The following FCN1 variants were observed in gnomAD, a reference collection of about 807,000 sequenced individuals.
The protein encoded by FCN1 is ficolin-1.
A neutral mutation model predicts 35.6 loss-of-function variants in FCN1; 42 were observed. The ratio of observed to expected loss-of-function variants is 1.18; its 90% CI spans 0.92 to 1.53. The LOEUF (loss-of-function observed/expected upper bound fraction) is 1.53. FCN1 is among the 40% of genes most tolerant of loss of function. The pLI, the probability that FCN1 is intolerant of heterozygous loss-of-function variation, is 0.00. For synonymous variants in FCN1, 179 were observed against 169.8 expected (o/e 1.05, Z -0.42); for missense variants, 439 against 428.4 (o/e 1.02, Z -0.22).
chr9:134,917,792 G>A lies in FCN1; in HGVS notation c.80C>T (p.Ala27Val). 1.2e-6 allele frequency: 2 copies of A among 1,613,578 alleles called. No individual in the cohort carries two copies. The highest frequency in any genetic ancestry group is 1.7e-6 in the Non-Finnish European group (2 of 1,179,566). Residue 27 changes from alanine (A) to valine (V), a missense_variant, in exon 1 of 9, where the codon GCC (alanine) becomes GTC (valine). Physicochemically the swap from Ala to Val is moderately conservative, Grantham distance 64 (BLOSUM62 0). Transcript: ENST00000371806. The part of the protein sequence containing the change: ...VLFLHIKNLP[A>V]QAADTCPEVK... ...ACCTGGACATGTGTCCGCAGCCTGGGCAGGCAGGTTCTTGATATGCAGGAA... is the reference window on the plus strand; with the variant it reads ...ACCTGGACATGTGTCCGCAGCCTGGACAGGCAGGTTCTTGATATGCAGGAA...
At chr9:134,914,663 G>GTGTCTC (rs1831069474) in intron 3 of FCN1, 93 bp downstream of exon 3, 4 of 962,128 alleles carry the variant, frequency 4.2e-6, no homozygotes, top group Admixed American at 2.1e-5. Context: ...GTCTGTGTCT[G>GTGTCTC]TGTCTCTGTC....
rs371593172 is a variant in FCN1 at position 134,913,669 on chromosome 9, G to A, written c.308-56C>T. On this transcript the variant is annotated intron_variant, in intron 4 of 8. Transcript: ENST00000371806. ...GCTTGAAATCAGAGCCTTTGTCCTGGTCAGCCCCAGTGGCTCCCTGAGCAC... is the reference window on the plus strand; with the variant it reads ...GCTTGAAATCAGAGCCTTTGTCCTGATCAGCCCCAGTGGCTCCCTGAGCAC... The A allele has an allele frequency of 1.1e-4, 154 of 1,407,680 alleles. No homozygotes were observed. In the African/African-American group the frequency reaches 2.1e-3, roughly 19 times the overall value. 87.2% of individuals were successfully genotyped at this position (1,407,680 alleles called of 1,614,324 possible).
At position 134,916,350 on chromosome 9, in the gene FCN1, C is replaced by T. The variant is rs773552172; in HGVS notation, c.215G>A (p.Arg72Lys). Reference sequence around the variant, plus strand: ...CTCCCCACCCGGCCCGCACCTACCTCTCTCTCCAATGACACCTGCCTCTCC... The same window carrying T: ...CTCCCCACCCGGCCCGCACCTACCTTTCTCTCCAATGACACCTGCCTCTCC... ...PKGEAGVIGE[R>K]GERGLPGAPG... Residue 72 changes from arginine to lysine, a missense_variant and splice_region_variant, in exon 2 of 9, where the codon AGA (arginine) becomes AAA (lysine). Physicochemically the swap from Arg to Lys is conservative, Grantham distance 26 (BLOSUM62 2). Transcript: ENST00000371806. 1.2e-6 allele frequency: 2 copies of T among 1,613,286 alleles called. No individual in the cohort carries two copies. Among genetic ancestry groups the T allele is most frequent in the Non-Finnish European group, 1.7e-6 (2 of 1,179,254 alleles).
intron 7 of FCN1, among the ~76,000 whole-genome samples, chr9:134,911,843 AT>A (rs1350861099): frequency 2.0e-5 from 3 of 152,148 alleles, no homozygotes; most frequent in African/African-American, 7.2e-5. Flanking sequence ...GCATTCTTTC[AT>A]TTTGAAAGTG....
Position 134,905,639 on chromosome 9 carries a change from A to G in FCN1, c.*4159T>C, listed in dbSNP as rs1157277997. 1.3e-5 allele frequency among the ~76,000 whole-genome samples: 2 copies of G among 151,652 alleles called. No individual in the cohort carries two copies. The highest frequency in any genetic ancestry group is 2.4e-5 in the African/African-American group (1 of 41,170). On this transcript the variant is annotated 3_prime_UTR_variant, in exon 9 of 9. Coordinates refer to ENST00000371806, the MANE Select transcript of FCN1 (RefSeq NM_002003.5). Reference sequence around the variant, plus strand: ...GCTGGGACGATAGGCATCCCCCACCATGAACGGCTAATTTTTTTGTATTTT... The same window carrying G: ...GCTGGGACGATAGGCATCCCCCACCGTGAACGGCTAATTTTTTTGTATTTT...
rs775057793 is a variant in FCN1 at position 134,916,397 on chromosome 9, C to T, written c.168G>A (p.Leu56=). ...KLTILRGCPG[L]PGAPGPKGEA... is the part of the protein sequence containing the mutation. ...CTCCCTTTGGCCCTGGGGCCCCGGG[C>T]AGCCCCGGGCAGCCTCGGAGAATGG... is the stretch of plus-strand genomic sequence containing the variant. The change falls in exon 2 of 9, where the codon CTG becomes CTA. Residue 56 remains leucine (L), a synonymous_variant. Transcript: ENST00000371806. 6.2e-7 allele frequency: 1 copy of T among 1,614,002 alleles called. No individual in the cohort carries two copies. The highest frequency in any genetic ancestry group is 8.5e-7 in the Non-Finnish European group (1 of 1,180,002).
At chr9:134,910,368 G>A (rs1438377619) in intron 8 of FCN1, among the ~76,000 whole-genome samples, 1 of 152,108 alleles carries the variant, frequency 6.6e-6, no homozygotes, top group South Asian at 2.1e-4. Context: ...CGCTCCTTCC[G>A]GTCTCTCCCC....
intron 7 of FCN1, 80 bp downstream of exon 7, chr9:134,912,406 T>G: frequency 1.4e-6 from 2 of 1,434,744 alleles, no homozygotes; most frequent in Non-Finnish European, 9.5e-7. Flanking sequence ...CAAGAGGTGC[T>G]TATGTTGCAG....
At chr9:134,911,556 G>A (rs1302513823) in intron 7 of FCN1, among the ~76,000 whole-genome samples, 9 of 150,340 alleles carry the variant, frequency 6.0e-5, no homozygotes, top group Admixed American at 5.3e-4. Context: ...GTTTCACCAT[G>A]TTGGTCAGGA....
Position 134,909,194 on chromosome 9 carries a change from A to G in FCN1, c.*604T>C, listed in dbSNP as rs1830989579. 1.6e-6 allele frequency: 2 copies of G among 1,289,118 alleles called. No homozygotes were observed. The highest frequency in any genetic ancestry group is 2.0e-6 in the Non-Finnish European group (2 of 988,482). The allele number at this position is 1,289,118 out of a possible 1,614,324, so 79.9% of individuals were successfully genotyped here. ...CTCACTTAGTGAGTGCTAAGTGTTT[A>G]TCTCTTCCCAGCAGCCAGCCAGCCC... On this transcript the variant is annotated 3_prime_UTR_variant, in exon 9 of 9. Transcript: ENST00000371806.
intron 7 of FCN1, among the ~76,000 whole-genome samples, chr9:134,912,149 A>C (rs1444046958): frequency 1.3e-5 from 2 of 152,142 alleles, no homozygotes; most frequent in Non-Finnish European, 2.9e-5. Context: ...CATGGGACTA[A>C]GATGCCAGCT....
chr9:134,914,363 C>T, intron 4 of FCN1, 22 bp downstream of exon 4: 2 of 1,612,698 alleles, frequency 1.2e-6, no homozygotes, highest in South Asian at 1.1e-5. Context: ...GAGACAACTG[C>T]CTGGGCCCAC....
At chr9:134,915,390 G>A (rs1009675858) in intron 2 of FCN1, among the ~76,000 whole-genome samples, 2 of 152,190 alleles carry the variant, frequency 1.3e-5, no homozygotes, top group Non-Finnish European at 2.9e-5. Context: ...GCTGGGGAGA[G>A]TGTATGGGGG....
In FCN1 at chr9:134,909,435, C is replaced by A; in HGVS notation, c.*363G>T. The stretch of plus-strand genomic sequence containing the variant: ...AAAATCCTCGCAAAAGTCACTCAAC[C>A]TCCCTGAACATCGGTAGTGCCATCT... On this transcript the variant is annotated 3_prime_UTR_variant, in exon 9 of 9. Coordinates refer to ENST00000371806, the MANE Select transcript of FCN1 (RefSeq NM_002003.5). The A allele has an allele frequency of 1.5e-6, 2 of 1,291,566 alleles. No individual in the cohort carries two copies. The highest frequency in any genetic ancestry group is 5.4e-5 in the East Asian group (1 of 18,476). The allele number at this position is 1,291,566 out of a possible 1,614,324, so 80.0% of individuals were successfully genotyped here.
At chr9:134,916,497 C>G (rs187100193) in intron 1 of FCN1, 36 bp from the exon 2 acceptor site, 2 of 1,590,152 alleles carry the variant, frequency 1.3e-6, no homozygotes, top group Non-Finnish European at 1.7e-6. Context: ...CAGTGCCTGG[C>G]CCAACAGTGG....
At chr9:134,914,565 G>T in intron 3 of FCN1, 145 bp from the exon 4 acceptor site, 1 of 956,036 alleles carries the variant, frequency 1.0e-6, no homozygotes. Flanking sequence ...AGGTCTCAAT[G>T]GTGGGGAGGG....
At chr9:134,917,179 G>C (rs772365050) in intron 1 of FCN1, among the ~76,000 whole-genome samples, 9 of 152,122 alleles carry the variant, frequency 5.9e-5, no homozygotes, top group South Asian at 2.1e-4. Context: ...CCTTCCACTA[G>C]AGCAGGCTGT....
intron 4 of FCN1, 31 bp from the exon 5 acceptor site, chr9:134,913,644 G>A (rs1204435783): frequency 1.9e-6 from 3 of 1,580,570 alleles, no homozygotes; most frequent in Non-Finnish European, 1.7e-6. Context: ...CTTGTCATAA[G>A]CTTGAAATCA....
chr9:134,915,221 C>T (rs1831077289), intron 2 of FCN1, among the ~76,000 whole-genome samples: 1 of 152,194 alleles, frequency 6.6e-6, no homozygotes, highest in African/African-American at 2.4e-5. Flanking sequence ...GGGTGGGCGC[C>T]ACGTGCAGCC....
Sources: gnomAD v4.1 joint callset for allele counts (sites outside exome capture counted in the v4.1 genomes callset) on GRCh38, gnomAD v4.1.1 for gene constraint, MANE v1.5 for transcripts, NCBI Gene and HGNC (gene_info 2026-07-23, HGNC 2026-07-21) for gene names.